LRRC40: variants seen among roughly 807,000 people sequenced by gnomAD.
The protein encoded by LRRC40 is leucine-rich repeat-containing protein 40.
LRRC40 carries 76 observed loss-of-function variants against 72.8 expected under a neutral mutation model. That is an observed-to-expected ratio of 1.04 (90% confidence interval 0.87 to 1.26). The LOEUF (loss-of-function observed/expected upper bound fraction) is 1.26, where lower values mean the gene tolerates loss of function less well. Ranked by LOEUF, LRRC40 falls within the 50% of genes most tolerant of loss-of-function variation. LRRC40 has a pLI of 0.00. For missense variants in LRRC40, 684 were observed against 698.9 expected (o/e 0.98, Z 0.24); for synonymous variants, 243 against 254.2 (o/e 0.96, Z 0.42).
chr1:70,151,063 T>G lies in LRRC40; in HGVS notation c.1517+65A>C, dbSNP rs540505863. 8.3e-5 allele frequency: 77 copies of G among 928,176 alleles called. 1 individual carries two copies. Among genetic ancestry groups the G allele is most frequent in the Non-Finnish European group, 1.2e-4 (73 of 604,226 alleles). 57.5% of individuals were successfully genotyped at this position (928,176 alleles called of 1,614,324 possible). A position where few individuals can be genotyped will look rare whatever the true frequency, so the allele number is the denominator to read the frequency against. On this transcript the variant is annotated intron_variant, in intron 13 of 14. Transcript: ENST00000370952. ...GCCTTTTTGTTTTTTTGGCTTTTGT[T>G]TTCTCCAATGAGAAAGATCTACATA...
intron 5 of LRRC40, among the ~76,000 whole-genome samples, chr1:70,179,357 C>T (rs1336423205): frequency 6.6e-6 from 1 of 151,944 alleles, no homozygotes; most frequent in African/African-American, 2.4e-5. Context: ...CATGGTGGTG[C>T]ATGCCTGTAG....
At chr1:70,201,746 G>T (rs1475074218) in intron 1 of LRRC40, among the ~76,000 whole-genome samples, 1 of 152,172 alleles carries the variant, frequency 6.6e-6, no homozygotes. Context: ...GCCGAGGTGG[G>T]TGGATCACCT....
chr1:70,173,626 A>C lies in LRRC40; in HGVS notation c.1061T>G (p.Ile354Arg). 6.4e-7 allele frequency: 1 copy of C among 1,560,112 alleles called. No individual in the cohort carries two copies. The highest frequency in any genetic ancestry group is 1.8e-5 in the Admixed American group (1 of 55,742). Reference sequence around the variant, plus strand: ...CTGAATTCCAAATATACTTACACTTATAATTTCTCTTCGAATTGTTCTCAA... The same window carrying C: ...CTGAATTCCAAATATACTTACACTTCTAATTTCTCTTCGAATTGTTCTCAA... Reference protein sequence around the residue: ...NPLRTIRREIISKGTQEVLKY... With the variant: ...NPLRTIRREIRSKGTQEVLKY... Residue 354 changes from isoleucine to arginine, a missense_variant, in exon 8 of 15, where the codon ATA becomes AGA. Coordinates refer to ENST00000370952, the MANE Select transcript of LRRC40 (RefSeq NM_017768.5).
At chr1:70,175,767 C>A in intron 7 of LRRC40, 43 bp downstream of exon 7, 2 of 1,343,542 alleles carry the variant, frequency 1.5e-6, no homozygotes, top group South Asian at 1.4e-5. Context: ...GAATTATAAC[C>A]AAATACAAAC....
intron 9 of LRRC40, among the ~76,000 whole-genome samples, chr1:70,164,247 G>T (rs915347908): frequency 9.9e-5 from 15 of 151,834 alleles, no homozygotes; most frequent in African/African-American, 3.4e-4. Context: ...AAAATTAGCC[G>T]GGCGTGGTTG....
intron 13 of LRRC40, 33 bp from the exon 14 acceptor site, chr1:70,148,705 C>A: frequency 7.4e-7 from 1 of 1,357,186 alleles, no homozygotes; most frequent in Non-Finnish European, 1.0e-6. Context: ...CCTAAATATA[C>A]TGGAATCAGA....
At chr1:70,170,683 G>T in intron 9 of LRRC40, among the ~76,000 whole-genome samples, 1 of 152,032 alleles carries the variant, frequency 6.6e-6, no homozygotes, top group East Asian at 1.9e-4. Flanking sequence ...AAAACTTACA[G>T]TCTGAAAACT....
intron 6 of LRRC40, among the ~76,000 whole-genome samples, chr1:70,176,531 C>CAAAAAAA (rs368720423): frequency 1.0e-4 from 3 of 29,698 alleles, no homozygotes; most frequent in Admixed American, 3.0e-4. Flanking sequence ...GAATCCATCT[C>CAAAAAAA]AAAAAAAAAA....
At chr1:70,162,019 G>A (rs1300999899) in intron 9 of LRRC40, among the ~76,000 whole-genome samples, 2 of 152,158 alleles carry the variant, frequency 1.3e-5, no homozygotes, top group Admixed American at 1.3e-4. Context: ...CCTCAGAATG[G>A]AGTGAGAAAT....
intron 13 of LRRC40, 28 bp downstream of exon 13, chr1:70,151,100 T>A: frequency 7.7e-7 from 1 of 1,296,402 alleles, no homozygotes; most frequent in Non-Finnish European, 1.1e-6. Context: ...TTCCACAGAA[T>A]AACAATTAGA....
At chr1:70,184,433 G>C (rs1428679996) in intron 4 of LRRC40, among the ~76,000 whole-genome samples, 1 of 151,914 alleles carries the variant, frequency 6.6e-6, no homozygotes, top group Non-Finnish European at 1.5e-5. Flanking sequence ...AAGGGCCGCA[G>C]GTAATATAAG....
intron 1 of LRRC40, among the ~76,000 whole-genome samples, chr1:70,200,898 AT>A (rs564296809): frequency 2.2e-4 from 33 of 152,212 alleles, no homozygotes; most frequent in Non-Finnish European, 4.1e-4. Flanking sequence ...TGGCCTGGGC[AT>A]GGTGGCTCAT....
intron 9 of LRRC40, among the ~76,000 whole-genome samples, chr1:70,168,027 C>G (rs1667925157): frequency 6.6e-6 from 1 of 152,222 alleles, no homozygotes; most frequent in African/African-American, 2.4e-5. Context: ...TGCTCCCTCT[C>G]TCCCCTCTTC....
intron 12 of LRRC40, chr1:70,151,848 T>C (rs1667501961): frequency 6.6e-6 from 1 of 152,118 alleles, no homozygotes; most frequent in African/African-American, 2.4e-5. Flanking sequence ...AAAAGGATTT[T>C]AGGAGCCAAT....
At chr1:70,179,419 C>G in intron 5 of LRRC40, among the ~76,000 whole-genome samples, 1 of 152,012 alleles carries the variant, frequency 6.6e-6, no homozygotes, top group South Asian at 2.1e-4. Flanking sequence ...TCTGGGAGAT[C>G]GAGGCTGCAC....
At chr1:70,190,327 T>C (rs1462740235) in intron 1 of LRRC40, among the ~76,000 whole-genome samples, 1 of 151,902 alleles carries the variant, frequency 6.6e-6, no homozygotes, top group African/African-American at 2.4e-5. Context: ...ATTAATCAGA[T>C]AAAATGGGGT....
chr1:70,145,043 A>T lies in LRRC40; in HGVS notation c.*757T>A, dbSNP rs1484477422. 7.0e-6 allele frequency: 1 copy of T among 143,336 alleles called. No homozygotes were observed. The highest frequency in any genetic ancestry group is 1.5e-5 in the Non-Finnish European group (1 of 66,872). The allele number at this position is 143,336 out of a possible 1,614,324, so 8.9% of individuals were successfully genotyped here. ...CAAAAATGATATTTAATTTTTATTA[A>T]ATCAAGTTTACCTATCAAATTCCCT... On this transcript the variant is annotated 3_prime_UTR_variant, in exon 15 of 15. Coordinates refer to ENST00000370952, the MANE Select transcript of LRRC40 (RefSeq NM_017768.5).
chr1:70,164,483 C>T (rs779629627), intron 9 of LRRC40, among the ~76,000 whole-genome samples: 6 of 152,176 alleles, frequency 3.9e-5, no homozygotes, highest in Non-Finnish European at 7.3e-5. Context: ...ATTCTCAGTA[C>T]TGTTGCACTG....
chr1:70,148,555 G>A lies in LRRC40; in HGVS notation c.1635C>T (p.Thr545=), dbSNP rs1667376472. 6.2e-7 allele frequency: 1 copy of A among 1,613,290 alleles called. No homozygotes were observed. Among genetic ancestry groups the A allele is most frequent in the Non-Finnish European group, 8.5e-7 (1 of 1,179,574 alleles). ...GGTCATTATTTTGAAGGTCCAACGT[G>A]GTCAGATTTTCCATCATCTTCATTT... is the stretch of plus-strand genomic sequence containing the variant. ...PQKMKMMENL[T]TLDLQNNDLL... is the part of the protein sequence containing the mutation. The change falls in exon 14 of 15, where the codon ACC becomes ACT. Residue 545 remains threonine (T), a synonymous_variant. Coordinates refer to ENST00000370952, the MANE Select transcript of LRRC40 (RefSeq NM_017768.5).
Sources: gnomAD v4.1 joint callset for allele counts (sites outside exome capture counted in the v4.1 genomes callset) on GRCh38, gnomAD v4.1.1 for gene constraint, MANE v1.5 for transcripts, NCBI Gene and HGNC (gene_info 2026-07-23, HGNC 2026-07-21) for gene names.